NRCAM: variants seen among roughly 807,000 people sequenced by gnomAD.
NRCAM encodes the protein neuronal cell adhesion molecule.
Under a neutral mutation model 156.5 loss-of-function variants are expected in NRCAM, and 83 were observed. The ratio of observed to expected loss-of-function variants is 0.53; its 90% CI spans 0.44 to 0.64. NRCAM has a LOEUF of 0.64. NRCAM is among the 30% of genes least tolerant of loss of function. The pLI, the probability that NRCAM is intolerant of heterozygous loss-of-function variation, is 0.00. For synonymous variants in NRCAM, 538 were observed against 563.9 expected, an observed-to-expected ratio of 0.95 and a Z score of 0.65; for missense variants, 1,417 against 1,597.3, an observed-to-expected ratio of 0.89 and a Z score of 1.92.
chr7:108,397,174 T>A (rs1257159527), intron 2 of NRCAM, among the ~76,000 whole-genome samples: 1 of 152,188 alleles, frequency 6.6e-6, no homozygotes, highest in Non-Finnish European at 1.5e-5. Flanking sequence ...GTTCCAGCTG[T>A]TAGTGTTCAG....
intron 2 of NRCAM, among the ~76,000 whole-genome samples, chr7:108,314,147 G>C (rs551193802): frequency 1.1e-4 from 16 of 152,224 alleles, no homozygotes; most frequent in African/African-American, 3.9e-4. Flanking sequence ...TTATTGATAG[G>C]GCACTGCTAC....
intron 2 of NRCAM, among the ~76,000 whole-genome samples, chr7:108,316,542 G>A (rs1042623835): frequency 5.9e-5 from 9 of 152,146 alleles, no homozygotes; most frequent in East Asian, 1.9e-4. Flanking sequence ...TTGGGAGGCC[G>A]AAGCAGGCAG....
chr7:108,200,372 G>A (rs1276048782), intron 13 of NRCAM, among the ~76,000 whole-genome samples: 1 of 152,186 alleles, frequency 6.6e-6, no homozygotes, highest in Non-Finnish European at 1.5e-5. Context: ...AGGCAGCCAT[G>A]GATCCTGAAA....
intron 2 of NRCAM, among the ~76,000 whole-genome samples, chr7:108,385,912 AGG>A (rs1175985107): frequency 2.3e-5 from 3 of 131,186 alleles, no homozygotes; most frequent in Non-Finnish European, 4.8e-5. Context: ...AGAGAGAGGG[AGG>A]GAGGGAGGGA....
At chr7:108,390,866 C>T (rs1358618023) in intron 2 of NRCAM, among the ~76,000 whole-genome samples, 1 of 152,102 alleles carries the variant, frequency 6.6e-6, no homozygotes, top group Non-Finnish European at 1.5e-5. Context: ...GTTCAGTTTC[C>T]ATGTAGTTGA....
chr7:108,215,731 C>CTTTTTTTTTT, intron 11 of NRCAM, among the ~76,000 whole-genome samples: 1 of 127,656 alleles, frequency 7.8e-6, no homozygotes, highest in Non-Finnish European at 1.6e-5. Flanking sequence ...CAACCCCTGC[C>CTTTTTTTTTT]TTTTTTTTTT....
chr7:108,432,553 A>G (rs1258314070), intron 1 of NRCAM, among the ~76,000 whole-genome samples: 1 of 152,234 alleles, frequency 6.6e-6, no homozygotes, highest in African/African-American at 2.4e-5. Flanking sequence ...CACACTGAAG[A>G]GGAAATCGAA....
Position 108,438,357 on chromosome 7 carries a change from A to G in NRCAM, c.-332+17886T>C, listed in dbSNP as rs529051188. Among the ~76,000 whole-genome samples, 15 of 152,302 alleles carry G rather than the reference A, an allele frequency of 9.8e-5. 1 individual carries two copies. In the South Asian group the frequency reaches 2.1e-3, roughly 21 times the overall value. On this transcript the variant is annotated intron_variant, in intron 1 of 32. Coordinates refer to ENST00000379028, the MANE Select transcript of NRCAM (RefSeq NM_001037132.4). ...AAGTGGGATGTATTGCAGAAGTTTA[A>G]CATCCAAAAATCAATTAATATACTA...
intron 2 of NRCAM, among the ~76,000 whole-genome samples, chr7:108,384,321 A>C (rs916895384): frequency 2.0e-5 from 3 of 152,148 alleles, no homozygotes; most frequent in Non-Finnish European, 4.4e-5. Context: ...AAAAACAAAA[A>C]CAAAACCAAA....
intron 3 of NRCAM, among the ~76,000 whole-genome samples, chr7:108,282,729 G>GAAAAAGAA (rs1244646991): frequency 1.3e-5 from 2 of 152,128 alleles, no homozygotes; most frequent in Non-Finnish European, 1.5e-5. Flanking sequence ...GAGAAAAAGA[G>GAAAAAGAA]AGAATACATG....
Position 108,196,460 on chromosome 7 carries a change from T to C in NRCAM, c.1352-588A>G, listed in dbSNP as rs111636617. On this transcript the variant is annotated intron_variant, in intron 14 of 32. Transcript: ENST00000379028. Reference sequence around the variant, plus strand: ...CTGGTAAGGGGTTAATACCAAAATATATAAAGAACTCAAATAATTCAATAG... The same window carrying C: ...CTGGTAAGGGGTTAATACCAAAATACATAAAGAACTCAAATAATTCAATAG... Among the ~76,000 whole-genome samples the C allele has an allele frequency of 3.6e-4, 55 of 152,108 alleles. 1 individual carries two copies. The highest frequency in any genetic ancestry group is 4.4e-5 in the Non-Finnish European group (3 of 68,028).
chr7:108,394,125 C>G (rs73422164), intron 2 of NRCAM, among the ~76,000 whole-genome samples: 8,347 of 152,268 alleles, frequency 0.055, 757 homozygotes, highest in African/African-American at 0.19. Context: ...ATTGAATGCA[C>G]ATGGGCCTGG....
At chr7:108,322,256 C>T (rs1409833920) in intron 2 of NRCAM, among the ~76,000 whole-genome samples, 1 of 151,976 alleles carries the variant, frequency 6.6e-6, no homozygotes, top group African/African-American at 2.4e-5. Flanking sequence ...ACAAGTAGTC[C>T]CCTCACTTTA....
chr7:108,174,396 C>G (rs1473214077), intron 28 of NRCAM, among the ~76,000 whole-genome samples: 1 of 152,180 alleles, frequency 6.6e-6, no homozygotes, highest in African/African-American at 2.4e-5. Flanking sequence ...GCACATTTTT[C>G]TCTTGGTCTT....
At chr7:108,343,409 T>A (rs564818333) in intron 2 of NRCAM, among the ~76,000 whole-genome samples, 1 of 152,178 alleles carries the variant, frequency 6.6e-6, no homozygotes, top group East Asian at 1.9e-4. Flanking sequence ...GAGGTGGCAG[T>A]CTTACACTGC....
At chr7:108,371,162 G>T (rs1031864012) in intron 2 of NRCAM, among the ~76,000 whole-genome samples, 1 of 152,164 alleles carries the variant, frequency 6.6e-6, no homozygotes, top group Non-Finnish European at 1.5e-5. Context: ...GCAAATATAA[G>T]TAGTTGTAGG....
intron 3 of NRCAM, among the ~76,000 whole-genome samples, chr7:108,258,948 C>T (rs2096787129): frequency 6.6e-6 from 1 of 152,154 alleles, no homozygotes; most frequent in African/African-American, 2.4e-5. Context: ...AAACAGCAGC[C>T]ATTAGTCAAA....
At chr7:108,318,861 C>T (rs1283465577) in intron 2 of NRCAM, among the ~76,000 whole-genome samples, 2 of 152,096 alleles carry the variant, frequency 1.3e-5, no homozygotes, top group Non-Finnish European at 2.9e-5. Flanking sequence ...CAAATGAAGT[C>T]GAGGCATCCA....
At chr7:108,311,275 T>C (rs774781484) in intron 3 of NRCAM, among the ~76,000 whole-genome samples, 6 of 152,240 alleles carry the variant, frequency 3.9e-5, no homozygotes, top group Non-Finnish European at 8.8e-5. Context: ...ATACCATTAC[T>C]AGTAACTCCT....
Sources: allele counts gnomAD v4.1 joint callset (sites outside exome capture counted in the v4.1 genomes callset), GRCh38; gene constraint gnomAD v4.1.1; transcripts MANE v1.5; gene names NCBI Gene and HGNC (gene_info 2026-07-23, HGNC 2026-07-21).